The following TEF variants were observed in gnomAD, a reference collection of about 807,000 sequenced individuals.
TEF encodes the protein thyrotroph embryonic factor.
TEF carries 3 observed loss-of-function variants against 20.8 expected under a neutral mutation model. The observed-to-expected ratio is 0.14, with a 90% CI of 0.07 to 0.37. The LOEUF (loss-of-function observed/expected upper bound fraction) is 0.37, where lower values mean the gene tolerates loss of function less well. Ranked by LOEUF, TEF falls within the 10% of genes least tolerant of loss-of-function variation. The probability of loss-of-function intolerance (pLI) is 1.00; values close to 1 mark genes in which losing one functional copy is unlikely to be tolerated. For synonymous variants in TEF, 180 were observed against 171.1 expected (o/e 1.05, Z -0.41); for missense variants, 296 against 397.9 (o/e 0.74, Z 2.18).
chr22:41,382,170 G>T lies in TEF; in HGVS notation c.126G>T (p.Leu42=). ...CCTTCCCCCTGGTCCTGAAGAAGCT[G>T]ATGGAGAACCCCCCGCGCGAGGCGC... The part of the protein sequence containing the change: ...SGSFPLVLKK[L]MENPPREARL... Residue 42 remains leucine, a synonymous_variant, in exon 1 of 4, where the codon CTG becomes CTT. Coordinates refer to ENST00000266304, the MANE Select transcript of TEF (RefSeq NM_003216.4). The T allele has an allele frequency of 1.6e-6, 2 of 1,238,876 alleles. No individual in the cohort carries two copies. Among genetic ancestry groups the T allele is most frequent in the Non-Finnish European group, 2.0e-6 (2 of 991,924 alleles). The allele number at this position is 1,238,876 out of a possible 1,614,324, so 76.7% of individuals were successfully genotyped here. A position where few individuals can be genotyped will look rare whatever the true frequency, so the allele number is the denominator to read the frequency against.
upstream of TEF, among the ~76,000 whole-genome samples, chr22:41,380,403 C>T (rs1447875022): frequency 6.6e-6 from 1 of 152,230 alleles, no homozygotes; most frequent in Non-Finnish European, 1.5e-5. Context: ...TGATCCGCCA[C>T]CTCTGCCTCC....
chr22:41,390,259 A>G (rs1049177808), intron 2 of TEF, among the ~76,000 whole-genome samples: 1 of 152,164 alleles, frequency 6.6e-6, no homozygotes, highest in Non-Finnish European at 1.5e-5. Context: ...GAGAATGGCT[A>G]GGTCATTGGA....
intron 1 of TEF, among the ~76,000 whole-genome samples, chr22:41,373,658 C>T (rs1393333973): frequency 6.6e-6 from 1 of 151,770 alleles, no homozygotes; most frequent in Non-Finnish European, 1.5e-5. Context: ...TTAGTAGAGA[C>T]GAGGTGTCAC....
chr22:41,373,943 T>C (rs1446790048), intron 1 of TEF, among the ~76,000 whole-genome samples: 1 of 151,808 alleles, frequency 6.6e-6, no homozygotes, highest in Admixed American at 6.6e-5. Context: ...TTTGTATTTT[T>C]AGTACAGACA....
At chr22:41,373,999 T>C (rs182538894) in intron 1 of TEF, among the ~76,000 whole-genome samples, 64 of 152,190 alleles carry the variant, frequency 4.2e-4, no homozygotes, top group African/African-American at 1.4e-3. Flanking sequence ...CCAGACCTCA[T>C]GATCTGCCTG....
intron 1 of TEF, among the ~76,000 whole-genome samples, chr22:41,386,569 C>T (rs1340199106): frequency 1.3e-4 from 19 of 151,838 alleles, no homozygotes; most frequent in African/African-American, 3.9e-4. Context: ...GGTGAAACTC[C>T]GTCTCTACTA....
intron 1 of TEF, chr22:41,369,056 T>C: frequency 1.0e-6 from 1 of 985,254 alleles, no homozygotes; most frequent in Non-Finnish European, 1.2e-6. Context: ...GTACAGTCCC[T>C]CCTGGCTCCC....
chr22:41,370,734 G>A (rs778076696), intron 1 of TEF, among the ~76,000 whole-genome samples: 3 of 152,112 alleles, frequency 2.0e-5, no homozygotes, highest in Non-Finnish European at 2.9e-5. Context: ...CTAGTTCATT[G>A]ATGCCCCTTG....
rs1475704144 is a variant in TEF at position 41,398,522 on chromosome 22, T to C, written c.*2562T>C. On this transcript the variant is annotated 3_prime_UTR_variant, in exon 4 of 4. Transcript: ENST00000266304. ...AACCTCAGAACAGACAAATCATGAA[T>C]GAGCTGGAACTTTGCAAGAATATTC... 6.5e-6 allele frequency: 1 copy of C among 153,750 alleles called. No individual in the cohort carries two copies. The highest frequency in any genetic ancestry group is 2.4e-5 in the African/African-American group (1 of 41,460). 9.5% of individuals were successfully genotyped at this position (153,750 alleles called of 1,614,324 possible). A position where few individuals can be genotyped will look rare whatever the true frequency, so the allele number is the denominator to read the frequency against.
At position 41,398,605 on chromosome 22, in the gene TEF, T is replaced by C. The variant is rs1488789175; in HGVS notation, c.*2645T>C. 1 of 153,394 alleles carries C rather than the reference T, an allele frequency of 6.5e-6. No individual in the cohort carries two copies. The highest frequency in any genetic ancestry group is 2.4e-5 in the African/African-American group (1 of 41,460). The allele number at this position is 153,394 out of a possible 1,614,324, so 9.5% of individuals were successfully genotyped here. ...TGTGCATTTAGAGAGAGGGAGAGTT[T>C]TCAAGGTTTATGGCAACTTTGTGGA... On this transcript the variant is annotated 3_prime_UTR_variant, in exon 4 of 4. Transcript: ENST00000266304.
Position 41,382,105 on chromosome 22 carries a change from G to C in TEF, c.61G>C (p.Gly21Arg). The C allele has an allele frequency of 8.1e-7, 1 of 1,232,934 alleles. No homozygotes were observed. Among genetic ancestry groups the C allele is most frequent in the Non-Finnish European group, 1.0e-6 (1 of 988,180 alleles). The allele number at this position is 1,232,934 out of a possible 1,614,324, so 76.4% of individuals were successfully genotyped here. A position where few individuals can be genotyped will look rare whatever the true frequency, so the allele number is the denominator to read the frequency against. Residue 21 changes from glycine (G) to arginine (R), a missense_variant, in exon 1 of 4, where the codon GGG becomes CGG. Gly to Arg is a moderately radical substitution (Grantham distance 125, BLOSUM62 -2). Coordinates refer to ENST00000266304, the MANE Select transcript of TEF (RefSeq NM_003216.4). ...GGACCCGCAGGCAGGACCCGGTCCG[G>C]GGCCGGGGCGCGCAGCTGGGGAAAG... ...PVDPQAGPGP[G>R]PGRAAGERGL... is the part of the protein sequence containing the mutation.
At chr22:41,369,894 A>G (rs1020342138) in intron 1 of TEF, 11 of 985,178 alleles carry the variant, frequency 1.1e-5, no homozygotes, top group African/African-American at 3.5e-5. Context: ...GGGGGCAGTT[A>G]TCTCTTTGGA....
chr22:41,397,896 A>G lies in TEF; in HGVS notation c.*1936A>G, dbSNP rs918914807. On this transcript the variant is annotated 3_prime_UTR_variant, in exon 4 of 4. Transcript: ENST00000266304. Reference sequence around the variant, plus strand: ...CTCTTCATTTTCTTTGCCGGAAAGTATATGGTTTGTGTTTTTGCAGTTTTA... The same window carrying G: ...CTCTTCATTTTCTTTGCCGGAAAGTGTATGGTTTGTGTTTTTGCAGTTTTA... The G allele has an allele frequency of 1.3e-5, 2 of 152,146 alleles. No individual in the cohort carries two copies. The highest frequency in any genetic ancestry group is 2.9e-5 in the Non-Finnish European group (2 of 68,030). The allele number at this position is 152,146 out of a possible 1,614,324, so 9.4% of individuals were successfully genotyped here.
intron 1 of TEF, among the ~76,000 whole-genome samples, chr22:41,375,966 G>A (rs1339063204): frequency 6.6e-6 from 1 of 152,080 alleles, no homozygotes; most frequent in Non-Finnish European, 1.5e-5. Context: ...AGAGCTCAAT[G>A]GAAGAAGCCT....
intron 2 of TEF, among the ~76,000 whole-genome samples, chr22:41,388,820 A>G (rs1484357190): frequency 6.6e-6 from 1 of 152,054 alleles, no homozygotes; most frequent in Non-Finnish European, 1.5e-5. Flanking sequence ...CCAGGAATCC[A>G]CACCCAATAA....
At chr22:41,367,855 C>T (rs2036839284) in intron 1 of TEF, among the ~76,000 whole-genome samples, 1 of 152,106 alleles carries the variant, frequency 6.6e-6, no homozygotes, top group South Asian at 2.1e-4. Flanking sequence ...AGGTGCTGTG[C>T]TCATGTGGGA....
At chr22:41,379,527 CAA>C (rs2036988013), upstream of TEF, among the ~76,000 whole-genome samples, 1 of 146,576 alleles carries the variant, frequency 6.8e-6, no homozygotes, top group African/African-American at 2.5e-5. Context: ...AAACAAAAAA[CAA>C]AAACACCATA....
rs889755602 is a variant in TEF, at chr22:41,397,683, C to T, written c.*1723C>T. 3.9e-5 allele frequency: 6 copies of T among 152,230 alleles called. No homozygotes were observed. The highest frequency in any genetic ancestry group is 1.3e-4 in the Admixed American group (2 of 15,278). The allele number at this position is 152,230 out of a possible 1,614,324, so 9.4% of individuals were successfully genotyped here. ...CCTCCCTCCAGGCCCCTGACTTTTA[C>T]TTTGTGGTTCTCTAAAAACCATGTA... On this transcript the variant is annotated 3_prime_UTR_variant, in exon 4 of 4. Coordinates refer to ENST00000266304, the MANE Select transcript of TEF (RefSeq NM_003216.4).
intron 1 of TEF, chr22:41,369,030 G>A: frequency 1.0e-6 from 1 of 984,108 alleles, no homozygotes; most frequent in Non-Finnish European, 1.2e-6. Flanking sequence ...CTTGGTCCAG[G>A]AACCCAGGAA....
Sources: allele counts gnomAD v4.1 joint callset (sites outside exome capture counted in the v4.1 genomes callset), GRCh38; gene constraint gnomAD v4.1.1; transcripts MANE v1.5; gene names NCBI Gene and HGNC (gene_info 2026-07-23, HGNC 2026-07-21).